The following FHDC1 variants were observed in gnomAD, a reference collection of about 807,000 sequenced individuals.
FHDC1 encodes FH2 domain-containing protein 1.
In FHDC1, 25 loss-of-function variants were observed where a neutral mutation model predicts 52.6. That is an observed-to-expected ratio of 0.48 (90% CI 0.35 to 0.66). The LOEUF is 0.66. FHDC1 is among the 30% of genes least tolerant of loss of function. The pLI, the probability that FHDC1 is intolerant of heterozygous loss-of-function variation, is 0.01. For missense variants in FHDC1, 1,459 were observed against 1,452.8 expected (o/e 1.00, Z -0.07); for synonymous variants, 616 against 581.5 (o/e 1.06, Z -0.85).
chr4:152,915,124 A>C, the FHDC1 span, among the ~76,000 whole-genome samples: 1 of 152,198 alleles, frequency 6.6e-6, no homozygotes, highest in East Asian at 1.9e-4. Context: ...GCAGATAATT[A>C]TTCTTTCCTT....
At chr4:152,961,983 A>T (rs1740293923) in intron 6 of FHDC1, among the ~76,000 whole-genome samples, 1 of 152,200 alleles carries the variant, frequency 6.6e-6, no homozygotes. Context: ...TAGATAACAC[A>T]ATATAGGCAG....
intron 2 of FHDC1, among the ~76,000 whole-genome samples, chr4:152,944,486 A>G (rs541470189): frequency 1.3e-5 from 2 of 152,378 alleles, no homozygotes; most frequent in East Asian, 3.9e-4. Flanking sequence ...AAACAGGTCA[A>G]AGATGCAGTT....
At position 152,979,087 on chromosome 4, in the gene FHDC1, TG is replaced by T. The variant is rs1452238784; in HGVS notation, c.*2365del. On this transcript the variant is annotated 3_prime_UTR_variant, in exon 12 of 12. Coordinates refer to ENST00000511601, the MANE Select transcript of FHDC1 (RefSeq NM_001371116.1). ...GCAAGTGATTCTAAGTTTGTGGATT[TG>T]TGGATAGCAGAGGGATCGGGACCTC... 1 of 152,236 alleles carries T rather than the reference TG, an allele frequency of 6.6e-6. No homozygotes were observed. Among genetic ancestry groups the T allele is most frequent in the Non-Finnish European group, 1.5e-5 (1 of 68,054 alleles). 9.4% of individuals were successfully genotyped at this position (152,236 alleles called of 1,614,324 possible).
chr4:152,950,034 G>A (rs1408357355), intron 2 of FHDC1, among the ~76,000 whole-genome samples: 1 of 152,152 alleles, frequency 6.6e-6, no homozygotes, highest in Non-Finnish European at 1.5e-5. Context: ...GGAGGGAGGG[G>A]ATGATGCAGC....
intron 8 of FHDC1, 99 bp downstream of exon 8, chr4:152,963,229 A>G: frequency 9.6e-7 from 1 of 1,040,686 alleles, no homozygotes; most frequent in Non-Finnish European, 1.4e-6. Context: ...CAGGGTTAGG[A>G]AAGGGCATGG....
chr4:152,976,693 G>A lies in FHDC1; in HGVS notation c.3402G>A (p.Leu1134=). Residue 1134 remains leucine, a synonymous_variant, in exon 12 of 12, where the codon CTG becomes CTA. Transcript: ENST00000511601. ...GGAAGGACTCCAGTCGGACCACGCTGGGGAGAATCCTCAATCCCTTACGGA... is the reference window on the plus strand; with the variant it reads ...GGAAGGACTCCAGTCGGACCACGCTAGGGAGAATCCTCAATCCCTTACGGA... ...LRRKDSSRTT[L]GRILNPLRK 1.3e-6 allele frequency: 2 copies of A among 1,512,452 alleles called. No homozygotes were observed. The highest frequency in any genetic ancestry group is 1.3e-5 in the South Asian group (1 of 77,822). The allele number at this position is 1,512,452 out of a possible 1,614,324, so 93.7% of individuals were successfully genotyped here. A position where few individuals can be genotyped will look rare whatever the true frequency, so the allele number is the denominator to read the frequency against.
intron 11 of FHDC1, among the ~76,000 whole-genome samples, chr4:152,973,671 C>T (rs559665620): frequency 4.7e-4 from 72 of 152,296 alleles, no homozygotes; most frequent in African/African-American, 1.5e-3. Flanking sequence ...GAGCTGCAGG[C>T]GGAGCCAAGA....
At chr4:152,957,922 C>CG (rs1235647697) in intron 4 of FHDC1, among the ~76,000 whole-genome samples, 1 of 152,128 alleles carries the variant, frequency 6.6e-6, no homozygotes, top group African/African-American at 2.4e-5. Flanking sequence ...CAGGGAACAC[C>CG]CCCACCACGC....
chr4:152,963,203 A>G, intron 8 of FHDC1, 73 bp downstream of exon 8: 1 of 1,319,288 alleles, frequency 7.6e-7, no homozygotes, highest in Middle Eastern at 1.8e-4. Context: ...TTTCCCAGGC[A>G]TAAGATGGTG....
chr4:152,956,315 A>G (rs1055040172), intron 4 of FHDC1, among the ~76,000 whole-genome samples: 7 of 152,200 alleles, frequency 4.6e-5, no homozygotes, highest in African/African-American at 1.7e-4. Context: ...AGCGCATGTG[A>G]AAGTGCTCTG....
rs1740915642 is a variant in FHDC1 at position 152,976,972 on chromosome 4, C to T, written c.*249C>T. On this transcript the variant is annotated 3_prime_UTR_variant, in exon 12 of 12. Coordinates refer to ENST00000511601, the MANE Select transcript of FHDC1 (RefSeq NM_001371116.1). ...CTGTGACGGCCGCACCTCCCCCATG[C>T]ACCCCACCCTCCCCCAAAGCCCGGA... is the stretch of plus-strand genomic sequence containing the variant. 3.3e-6 allele frequency: 1 copy of T among 305,284 alleles called. No homozygotes were observed. Among genetic ancestry groups the T allele is most frequent in the Admixed American group, 5.9e-5 (1 of 16,840 alleles). 18.9% of individuals were successfully genotyped at this position (305,284 alleles called of 1,614,324 possible).
In FHDC1 at chr4:152,975,382, T is replaced by A; in HGVS notation, c.2091T>A (p.Thr697=). The A allele has an allele frequency of 6.2e-7, 1 of 1,613,642 alleles. No individual in the cohort carries two copies. Among genetic ancestry groups the A allele is most frequent in the Non-Finnish European group, 8.5e-7 (1 of 1,180,016 alleles). ...GCATGGAGGAGACCTCCCAGCTGAC[T>A]CTGAGTGACTTCAGCCCGATGGAGC... ...SQGMEETSQL[T]LSDFSPMELE... Residue 697 remains threonine (T), a synonymous_variant, in exon 12 of 12, where the codon ACT becomes ACA. Transcript: ENST00000511601.
Position 152,976,485 on chromosome 4 carries a change from C to G in FHDC1, c.3194C>G (p.Ser1065Trp). Residue 1065 changes from serine (S) to tryptophan (W), a missense_variant, in exon 12 of 12, where the codon TCG becomes TGG. Coordinates refer to ENST00000511601, the MANE Select transcript of FHDC1 (RefSeq NM_001371116.1). The part of the protein sequence containing the change: ...AKAPGITRTV[S>W]QRQLRVKGDP... ...GCCCCCGGCATCACTCGGACAGTGTCGCAGCGGCAGCTGAGGGTGAAAGGG... is the reference window on the plus strand; with the variant it reads ...GCCCCCGGCATCACTCGGACAGTGTGGCAGCGGCAGCTGAGGGTGAAAGGG... The G allele has an allele frequency of 6.2e-7, 1 of 1,613,556 alleles. No individual in the cohort carries two copies. The highest frequency in any genetic ancestry group is 8.5e-7 in the Non-Finnish European group (1 of 1,180,038).
Position 152,976,319 on chromosome 4 carries a change from C to G in FHDC1, c.3028C>G (p.Pro1010Ala), listed in dbSNP as rs1035536016. The change falls in exon 12 of 12, where the codon CCT becomes GCT. Residue 1010 changes from proline to alanine, a missense_variant. Physicochemically the swap from Pro to Ala is conservative, Grantham distance 27. Transcript: ENST00000511601. Reference protein sequence around the residue: ...NKTCRAHSEGPESPKEEPKTP... With the variant: ...NKTCRAHSEGAESPKEEPKTP... ...GACCTGCCGCGCCCACTCCGAGGGC[C>G]CTGAGAGTCCCAAAGAAGAGCCCAA... 1 of 1,613,624 alleles carries G rather than the reference C, an allele frequency of 6.2e-7. No individual in the cohort carries two copies. Among genetic ancestry groups the G allele is most frequent in the East Asian group, 2.2e-5 (1 of 44,860 alleles).
chr4:152,975,922 C>A lies in FHDC1; in HGVS notation c.2631C>A (p.Pro877=). Residue 877 remains proline, a synonymous_variant, in exon 12 of 12, where the codon CCC becomes CCA. Transcript: ENST00000511601. ...LKEASPGASK[P]GSARRSQGAV... ...AGGCGTCTCCCGGGGCCTCCAAGCC[C>A]GGGAGCGCCCGGCGGAGCCAGGGGG... The A allele has an allele frequency of 6.6e-7, 1 of 1,514,044 alleles. No individual in the cohort carries two copies. The highest frequency in any genetic ancestry group is 8.8e-7 in the Non-Finnish European group (1 of 1,133,604). The allele number at this position is 1,514,044 out of a possible 1,614,324, so 93.8% of individuals were successfully genotyped here. A position where few individuals can be genotyped will look rare whatever the true frequency, so the allele number is the denominator to read the frequency against.
chr4:152,926,321 AC>A, the FHDC1 span, among the ~76,000 whole-genome samples: 1 of 151,486 alleles, frequency 6.6e-6, no homozygotes, highest in Non-Finnish European at 1.5e-5. Flanking sequence ...ACACACAAAC[AC>A]ATCTTGGATG....
At chr4:152,937,948 G>A (rs1480677484) in intron 1 of FHDC1, among the ~76,000 whole-genome samples, 4 of 152,154 alleles carry the variant, frequency 2.6e-5, no homozygotes, top group Admixed American at 2.0e-4. Flanking sequence ...GCGGACAGCT[G>A]TCTAACGCAG....
Position 152,976,965 on chromosome 4 carries a change from C to T in FHDC1, c.*242C>T, listed in dbSNP as rs1740915154. ...TTCACTACTGTGACGGCCGCACCTCCCCCATGCACCCCACCCTCCCCCAAA... is the reference window on the plus strand; with the variant it reads ...TTCACTACTGTGACGGCCGCACCTCTCCCATGCACCCCACCCTCCCCCAAA... On this transcript the variant is annotated 3_prime_UTR_variant, in exon 12 of 12. Transcript: ENST00000511601. The T allele has an allele frequency of 5.7e-6, 2 of 349,770 alleles. No individual in the cohort carries two copies. Among genetic ancestry groups the T allele is most frequent in the Non-Finnish European group, 9.8e-6 (2 of 203,852 alleles). 21.7% of individuals were successfully genotyped at this position (349,770 alleles called of 1,614,324 possible).
At chr4:152,922,624 C>A in the FHDC1 span, among the ~76,000 whole-genome samples, 1 of 152,056 alleles carries the variant, frequency 6.6e-6, no homozygotes, top group Non-Finnish European at 1.5e-5. Context: ...TACTGGCAAA[C>A]TGAATCCAGC....
Sources: gnomAD v4.1 joint callset for allele counts (sites outside exome capture counted in the v4.1 genomes callset) on GRCh38, gnomAD v4.1.1 for gene constraint, MANE v1.5 for transcripts, NCBI Gene and HGNC (gene_info 2026-07-23, HGNC 2026-07-21) for gene names.